Variants in PLCXD3 observed in about 807,000 individuals in gnomAD.
PLCXD3 encodes the protein PI-PLC X domain-containing protein 3.
PLCXD3 carries 19 observed loss-of-function variants against 25.5 expected under a neutral mutation model. The ratio of observed to expected loss-of-function variants is 0.75; its 90% CI spans 0.52 to 1.09. The LOEUF (loss-of-function observed/expected upper bound fraction) is 1.09. PLCXD3 is among the 50% of genes least tolerant of loss of function. The probability of loss-of-function intolerance (pLI) is 0.00; values close to 1 mark genes in which losing one functional copy is unlikely to be tolerated. For synonymous variants in PLCXD3, 174 were observed against 137.6 expected, an observed-to-expected ratio of 1.26 and a Z score of -1.85; for missense variants, 411 against 388.1, an observed-to-expected ratio of 1.06 and a Z score of -0.50.
rs866298183 is a variant in PLCXD3, at chr5:41,382,505, C to T, written c.133G>A (p.Asp45Asn). The change falls in exon 2 of 3, where the codon GAT (aspartate) becomes AAT (asparagine). Residue 45 changes from aspartate to asparagine, a missense_variant. Transcript: ENST00000377801. Reference sequence around the variant, plus strand: ...TCAGGACCTACTGGAGAGGCTTCATCAATGTAGAAGCTGAAGGAATCATGA... The same window carrying T: ...TCAGGACCTACTGGAGAGGCTTCATTAATGTAGAAGCTGAAGGAATCATGA... The part of the protein sequence containing the change: ...GSHDSFSFYI[D>N]EASPVGPEQP... 6.2e-7 allele frequency: 1 copy of T among 1,604,106 alleles called. No homozygotes were observed. Among genetic ancestry groups the T allele is most frequent in the Non-Finnish European group, 8.5e-7 (1 of 1,178,248 alleles).
At chr5:41,426,326 A>G (rs1285259924) in intron 1 of PLCXD3, among the ~76,000 whole-genome samples, 1 of 151,904 alleles carries the variant, frequency 6.6e-6, no homozygotes, top group Non-Finnish European at 1.5e-5. Flanking sequence ...TAATTTGTTT[A>G]TATTAATTAT....
intron 2 of PLCXD3, among the ~76,000 whole-genome samples, chr5:41,348,599 A>G (rs1420681809): frequency 2.0e-5 from 3 of 152,210 alleles, no homozygotes; most frequent in Admixed American, 1.3e-4. Context: ...TCACCATCAT[A>G]TAAGATGACC....
At chr5:41,492,590 A>G (rs1427872940) in intron 1 of PLCXD3, among the ~76,000 whole-genome samples, 2 of 152,080 alleles carry the variant, frequency 1.3e-5, no homozygotes, top group South Asian at 2.1e-4. Context: ...CGTAGATTTG[A>G]TCTTTTCACA....
intron 2 of PLCXD3, among the ~76,000 whole-genome samples, chr5:41,378,059 G>A (rs1745349161): frequency 6.6e-6 from 1 of 152,084 alleles, no homozygotes; most frequent in African/African-American, 2.4e-5. Context: ...GACAATGTCA[G>A]AATCAGTTCA....
At chr5:41,327,434 G>T (rs1351908208) in intron 2 of PLCXD3, among the ~76,000 whole-genome samples, 2 of 152,040 alleles carry the variant, frequency 1.3e-5, no homozygotes, top group South Asian at 2.1e-4. Context: ...CCATCCAAAG[G>T]CTCCTGAGAC....
intron 1 of PLCXD3, among the ~76,000 whole-genome samples, chr5:41,405,082 A>T (rs147224806): frequency 6.6e-6 from 1 of 152,268 alleles, no homozygotes; most frequent in African/African-American, 2.4e-5. Context: ...GGCTTTCTAC[A>T]TATATAATAC....
chr5:41,446,104 C>T (rs1580377356), intron 1 of PLCXD3, among the ~76,000 whole-genome samples: 1 of 133,236 alleles, frequency 7.5e-6, no homozygotes, highest in Non-Finnish European at 1.5e-5. Context: ...AGGAGAATGA[C>T]GTGAACCCGG....
chr5:41,410,873 G>A (rs934448325), intron 1 of PLCXD3, among the ~76,000 whole-genome samples: 2 of 152,144 alleles, frequency 1.3e-5, no homozygotes, highest in East Asian at 1.9e-4. Context: ...TGTATAAGAC[G>A]TTGATATCTT....
intron 1 of PLCXD3, among the ~76,000 whole-genome samples, chr5:41,462,434 T>C (rs1747908936): frequency 6.6e-6 from 1 of 152,022 alleles, no homozygotes; most frequent in South Asian, 2.1e-4. Context: ...ATAATTAATC[T>C]TGGCTGGAAA....
chr5:41,329,180 G>C (rs978463834), intron 2 of PLCXD3, among the ~76,000 whole-genome samples: 2 of 152,092 alleles, frequency 1.3e-5, no homozygotes, highest in African/African-American at 4.8e-5. Flanking sequence ...TCCCTGCCCC[G>C]TCACTTGGTG....
chr5:41,470,619 T>C (rs1308678510), intron 1 of PLCXD3, among the ~76,000 whole-genome samples: 1 of 152,158 alleles, frequency 6.6e-6, no homozygotes, highest in Non-Finnish European at 1.5e-5. Flanking sequence ...GGTGGACAAA[T>C]GCCACTAAAC....
At chr5:41,370,319 CTGCAATTGATGCA>C (rs1156260514) in intron 2 of PLCXD3, among the ~76,000 whole-genome samples, 1 of 140,122 alleles carries the variant, frequency 7.1e-6, no homozygotes, top group East Asian at 2.0e-4. Flanking sequence ...ATATTAGTGC[CTGCAATTGATGCA>C]TGCAGTATTT....
At chr5:41,487,993 T>C (rs907019106) in intron 1 of PLCXD3, among the ~76,000 whole-genome samples, 6 of 151,612 alleles carry the variant, frequency 4.0e-5, no homozygotes, top group African/African-American at 1.5e-4. Flanking sequence ...TGTATACATG[T>C]GGCATGCTGG....
intron 1 of PLCXD3, among the ~76,000 whole-genome samples, chr5:41,412,088 A>AG (rs1448118161): frequency 6.6e-6 from 1 of 151,922 alleles, no homozygotes; most frequent in Middle Eastern, 3.2e-3. Context: ...GAATTTTTTT[A>AG]GGCCTTTTTA....
intron 1 of PLCXD3, among the ~76,000 whole-genome samples, chr5:41,403,407 T>TG (rs1169408224): frequency 1.2e-3 from 43 of 34,432 alleles, no homozygotes; most frequent in African/African-American, 3.6e-3. Flanking sequence ...TGTTGTTTTT[T>TG]TTTTTTTTTA....
intron 1 of PLCXD3, among the ~76,000 whole-genome samples, chr5:41,415,329 G>T (rs1307619770): frequency 6.6e-6 from 1 of 152,132 alleles, no homozygotes; most frequent in African/African-American, 2.4e-5. Context: ...GCTGAGCTCA[G>T]TCTCAAGGGT....
intron 2 of PLCXD3, among the ~76,000 whole-genome samples, chr5:41,376,373 TACTC>T (rs1745297178): frequency 6.6e-6 from 1 of 152,120 alleles, no homozygotes; most frequent in Non-Finnish European, 1.5e-5. Context: ...CTTCCTTCCT[TACTC>T]AACCTACATA....
intron 1 of PLCXD3, among the ~76,000 whole-genome samples, chr5:41,467,068 CAT>C (rs1748032488): frequency 6.6e-6 from 1 of 152,078 alleles, no homozygotes; most frequent in Non-Finnish European, 1.5e-5. Flanking sequence ...TTTGAATACA[CAT>C]ATAAAAATAG....
At position 41,312,685 on chromosome 5, in the gene PLCXD3, T is replaced by TTTCCTTTCCTTTCC. The variant is rs1491284489; in HGVS notation, c.*931_*932insGGAAAGGAAAGGAA. On this transcript the variant is annotated 3_prime_UTR_variant, in exon 3 of 3. Coordinates refer to ENST00000377801, the MANE Select transcript of PLCXD3 (RefSeq NM_001005473.3). ...CTTCCTCCCTCCCTTCCTTTCTTCC[T>TTTCCTTTCCTTTCC]TTCCTTCCTTCCTTCCTTCCTTCCT... 7.6e-5 allele frequency: 8 copies of TTTCCTTTCCTTTCC among 104,676 alleles called. No individual in the cohort carries two copies. The highest frequency in any genetic ancestry group is 2.5e-4 in the African/African-American group (7 of 28,340). The allele number at this position is 104,676 out of a possible 1,614,324, so 6.5% of individuals were successfully genotyped here. A position where few individuals can be genotyped will look rare whatever the true frequency, so the allele number is the denominator to read the frequency against.
Sources: gnomAD v4.1 joint callset for allele counts (sites outside exome capture counted in the v4.1 genomes callset) on GRCh38, gnomAD v4.1.1 for gene constraint, MANE v1.5 for transcripts, NCBI Gene and HGNC (gene_info 2026-07-23, HGNC 2026-07-21) for gene names.